The following SGCB variants were observed in gnomAD, a reference collection of about 807,000 sequenced individuals.
The protein encoded by SGCB is sarcoglycan beta.
Under a neutral mutation model 27.3 loss-of-function variants are expected in SGCB, and 25 were observed. That is an observed-to-expected ratio of 0.92 (90% confidence interval 0.67 to 1.28). The LOEUF is 1.28. SGCB is among the 50% of genes most tolerant of loss of function. The pLI is 0.00. For missense variants in SGCB, 436 were observed against 402.1 expected (o/e 1.08, Z -0.72); for synonymous variants, 147 against 133.5 (o/e 1.10, Z -0.70).
Position 52,023,008 on chromosome 4 carries a change from T to C in SGCB, c.*949A>G, listed in dbSNP as rs1418622184. ...GTAAGTTTAAATTAACCTTTGTTCA[T>C]CTTTCTAGAGTTTTAAATAATTAAA... is the stretch of plus-strand genomic sequence containing the variant. On this transcript the variant is annotated 3_prime_UTR_variant, in exon 6 of 6. Coordinates refer to ENST00000381431, the MANE Select transcript of SGCB (RefSeq NM_000232.5). The C allele has an allele frequency of 6.6e-6, 1 of 152,220 alleles. No homozygotes were observed. The highest frequency in any genetic ancestry group is 1.5e-5 in the Non-Finnish European group (1 of 68,034). The allele number at this position is 152,220 out of a possible 1,614,324, so 9.4% of individuals were successfully genotyped here.
intron 5 of SGCB, among the ~76,000 whole-genome samples, chr4:52,027,329 T>C (rs939742058): frequency 1.3e-5 from 2 of 152,084 alleles, no homozygotes; most frequent in African/African-American, 4.8e-5. Context: ...AGTTCAGATT[T>C]AATCTGTTAA....
intron 2 of SGCB, 54 bp downstream of exon 2, chr4:52,033,377 G>A (rs543923843): frequency 9.2e-7 from 1 of 1,089,928 alleles, no homozygotes; most frequent in South Asian, 1.3e-5. Flanking sequence ...TCACTATAAA[G>A]CAGATAAAAA....
chr4:52,027,860 CA>C (rs1553940052), intron 5 of SGCB, 107 bp downstream of exon 5: 2 of 1,091,728 alleles, frequency 1.8e-6, no homozygotes, highest in Non-Finnish European at 2.7e-6. Context: ...CTTTCCATGT[CA>C]AAAAATAGAC....
Position 52,027,994 on chromosome 4 carries a change from T to A in SGCB, c.727A>T (p.Met243Leu). Reference sequence around the variant, plus strand: ...GCCTTTAACTCCATATTACCACCCATGTGAAATTCAATGGTTTTGCCCATA... The same window carrying A: ...GCCTTTAACTCCATATTACCACCCAAGTGAAATTCAATGGTTTTGCCCATA... ...FIMGKTIEFHMGGNMELKAEN... is the reference protein window; with the variant it reads ...FIMGKTIEFHLGGNMELKAEN... Residue 243 changes from methionine (M) to leucine (L), a missense_variant, in exon 5 of 6, where the codon ATG becomes TTG. Coordinates refer to ENST00000381431, the MANE Select transcript of SGCB (RefSeq NM_000232.5). The A allele has an allele frequency of 6.2e-7, 1 of 1,613,928 alleles. No individual in the cohort carries two copies. Among genetic ancestry groups the A allele is most frequent in the African/African-American group, 1.3e-5 (1 of 75,056 alleles).
At position 52,021,094 on chromosome 4, in the gene SGCB, T is replaced by C. The variant is rs1398713458; in HGVS notation, c.*2863A>G. ...TTGTGTGGTTTTACATTTTTCTGTC[T>C]GCCCATTATTAAGAAATCTTGCATT... is the stretch of plus-strand genomic sequence containing the variant. On this transcript the variant is annotated 3_prime_UTR_variant, in exon 6 of 6. Transcript: ENST00000381431. The C allele has an allele frequency of 2.6e-5, 4 of 152,238 alleles. No individual in the cohort carries two copies. The highest frequency in any genetic ancestry group is 9.6e-5 in the African/African-American group (4 of 41,464). The allele number at this position is 152,238 out of a possible 1,614,324, so 9.4% of individuals were successfully genotyped here.
rs1220086248 is a variant in SGCB at position 52,028,782 on chromosome 4, T to C, written c.569A>G (p.His190Arg). 6.2e-7 allele frequency: 1 copy of C among 1,613,926 alleles called. No homozygotes were observed. Among genetic ancestry groups the C allele is most frequent in the Non-Finnish European group, 8.5e-7 (1 of 1,179,842 alleles). ...CAAACTTTTCACTCCACTTGGCAAA[T>C]GAAACTCATGAGTTTCATAGTCTGT... is the stretch of plus-strand genomic sequence containing the variant. ...FSTDYETHEF[H>R]LPSGVKSLNV... The change falls in exon 4 of 6, where the codon CAT (histidine) becomes CGT (arginine). Residue 190 changes from histidine to arginine, a missense_variant. Coordinates refer to ENST00000381431, the MANE Select transcript of SGCB (RefSeq NM_000232.5).
chr4:52,025,406 T>C (rs1270310908), intron 5 of SGCB, among the ~76,000 whole-genome samples: 1 of 152,066 alleles, frequency 6.6e-6, no homozygotes, highest in Non-Finnish European at 1.5e-5. Flanking sequence ...GGAAGCTGTC[T>C]AGGTAACTGG....
rs2109371002 is a variant in SGCB, at chr4:52,028,820, A to G, written c.531T>C (p.Asn177=). 1.2e-6 allele frequency: 2 copies of G among 1,613,798 alleles called. No individual in the cohort carries two copies. Among genetic ancestry groups the G allele is most frequent in the Admixed American group, 1.7e-5 (1 of 60,028 alleles). ...GMQFFDPRTQ[N]ILFSTDYETH... ...TTTCATAGTCTGTGCTGAATAAGAT[A>G]TTTTGAGTCCTCGGGTCAAAAAACT... The change falls in exon 4 of 6, where the codon AAT becomes AAC. Residue 177 remains asparagine (N), a synonymous_variant. Transcript: ENST00000381431.
intron 4 of SGCB, 47 bp from the exon 5 acceptor site, chr4:52,028,146 T>G: frequency 6.9e-7 from 1 of 1,440,770 alleles, no homozygotes; most frequent in East Asian, 2.3e-5. Flanking sequence ...TAAATTAATG[T>G]GAGAATTGTT....
At chr4:52,036,091 T>G (rs1224525619) in intron 1 of SGCB, among the ~76,000 whole-genome samples, 1 of 152,176 alleles carries the variant, frequency 6.6e-6, no homozygotes, top group Non-Finnish European at 1.5e-5. Flanking sequence ...GCATGACAAG[T>G]GCTGTAGTGG....
intron 1 of SGCB, among the ~76,000 whole-genome samples, chr4:52,038,011 G>A (rs1218934265): frequency 6.6e-6 from 1 of 152,000 alleles, no homozygotes; most frequent in Non-Finnish European, 1.5e-5. Flanking sequence ...GCCGGGCCGA[G>A]CCCGAGGCCG....
chr4:52,024,549 C>A (rs1408449623), intron 5 of SGCB, among the ~76,000 whole-genome samples: 2 of 152,072 alleles, frequency 1.3e-5, no homozygotes, highest in East Asian at 3.9e-4. Flanking sequence ...CTTTTCCTGG[C>A]CAAGCGCGGT....
chr4:52,031,422 G>GTGTGTGTA (rs1340041210), intron 2 of SGCB, among the ~76,000 whole-genome samples: 2 of 36,296 alleles, frequency 5.5e-5, no homozygotes, highest in Non-Finnish European at 3.7e-4. Flanking sequence ...GTGTGTGTGT[G>GTGTGTGTA]TGTGTGTGTG....
intron 5 of SGCB, among the ~76,000 whole-genome samples, chr4:52,024,613 G>A (rs1737039112): frequency 1.3e-5 from 2 of 152,048 alleles, no homozygotes; most frequent in Admixed American, 1.3e-4. Context: ...CGGATCACAA[G>A]TTCAGGAGAT....
chr4:52,033,611 G>A lies in SGCB; in HGVS notation c.63C>T (p.Ser21=), dbSNP rs1453694231. Residue 21 remains serine, a synonymous_variant, in exon 2 of 6, where the codon TCC becomes TCT. Coordinates refer to ENST00000381431, the MANE Select transcript of SGCB (RefSeq NM_000232.5). ...TTCTCTCAACAGCCTTCTCACGCAT[G>A]GACTTCTTTACAGGACCATTGGAAC... ...QQSSNGPVKK[S]MREKAVERRS... The A allele has an allele frequency of 6.2e-7, 1 of 1,613,500 alleles. No individual in the cohort carries two copies. Among genetic ancestry groups the A allele is most frequent in the Non-Finnish European group, 8.5e-7 (1 of 1,179,656 alleles).
At chr4:52,031,304 A>G (rs1228087505) in intron 2 of SGCB, among the ~76,000 whole-genome samples, 1 of 151,842 alleles carries the variant, frequency 6.6e-6, no homozygotes, top group Non-Finnish European at 1.5e-5. Flanking sequence ...TTTCTGGAAG[A>G]GTTTTTTTAT....
At position 52,030,032 on chromosome 4, in the gene SGCB, T is replaced by C. The variant is rs115428563; in HGVS notation, c.244-169A>G. On this transcript the variant is annotated intron_variant, in intron 2 of 5. Transcript: ENST00000381431. ...TTATAAACAAAACGAATTTTATTTTTATTAAGGTATTACATGCAAATAGCT... is the reference window on the plus strand; with the variant it reads ...TTATAAACAAAACGAATTTTATTTTCATTAAGGTATTACATGCAAATAGCT... Among the ~76,000 whole-genome samples, 1,743 of 152,332 alleles carry C rather than the reference T, an allele frequency of 0.011. 37 individuals carry two copies. The highest frequency in any genetic ancestry group is 0.036 in the African/African-American group (1,485 of 41,566).
intron 1 of SGCB, among the ~76,000 whole-genome samples, chr4:52,036,719 T>A (rs887827516): frequency 2.6e-5 from 4 of 152,078 alleles, no homozygotes; most frequent in Non-Finnish European, 5.9e-5. Flanking sequence ...GACTCCCAAA[T>A]AGGACTGGCT....
chr4:52,033,453 A>C lies in SGCB; in HGVS notation c.221T>G (p.Ile74Ser). 1 of 1,612,732 alleles carries C rather than the reference A, an allele frequency of 6.2e-7. No individual in the cohort carries two copies. The highest frequency in any genetic ancestry group is 8.5e-7 in the Non-Finnish European group (1 of 1,178,708). Residue 74 changes from isoleucine to serine, a missense_variant, in exon 2 of 6, where the codon ATC becomes AGC. By Grantham distance (142) the Ile-to-Ser change is moderately radical. Coordinates refer to ENST00000381431, the MANE Select transcript of SGCB (RefSeq NM_000232.5). ...LAICVIILLFILAVINLIITL... is the reference protein window; with the variant it reads ...LAICVIILLFSLAVINLIITL... ...CACTATTAAATTGATGACAGCCAGG[A>C]TAAACAAGAGGATAATCACACAGAT... is the stretch of plus-strand genomic sequence containing the variant.
Sources: allele counts gnomAD v4.1 joint callset (sites outside exome capture counted in the v4.1 genomes callset), GRCh38; gene constraint gnomAD v4.1.1; transcripts MANE v1.5; gene names NCBI Gene and HGNC (gene_info 2026-07-23, HGNC 2026-07-21).